Variants in RFTN1 observed in about 807,000 individuals in gnomAD.
The protein encoded by RFTN1 is raftlin, lipid raft linker 1, also known as raftlin.
A neutral mutation model predicts 46.5 loss-of-function variants in RFTN1; 26 were observed. The observed-to-expected ratio is 0.56, with a 90% CI of 0.41 to 0.78. The LOEUF (loss-of-function observed/expected upper bound fraction) is 0.78. Ranked by LOEUF, RFTN1 falls within the 30% of genes least tolerant of loss-of-function variation. The probability of loss-of-function intolerance (pLI) is 0.00; values close to 1 mark genes in which losing one functional copy is unlikely to be tolerated. For missense variants in RFTN1, 693 were observed against 718.7 expected, an observed-to-expected ratio of 0.96 and a Z score of 0.41; for synonymous variants, 261 against 284.2, an observed-to-expected ratio of 0.92 and a Z score of 0.82.
At chr3:16,501,965 G>A (rs946400243) in intron 1 of RFTN1, among the ~76,000 whole-genome samples, 3 of 152,146 alleles carry the variant, frequency 2.0e-5, no homozygotes, top group African/African-American at 4.8e-5. Flanking sequence ...AAAAGTGCCT[G>A]TGTATTTGTT....
At position 16,335,254 on chromosome 3, in the gene RFTN1, T is replaced by C. The variant is rs2070732794; in HGVS notation, c.1147-8378A>G. 6.6e-6 allele frequency among the ~76,000 whole-genome samples: 1 copy of C among 152,140 alleles called. No homozygotes were observed. The highest frequency in any genetic ancestry group is 2.4e-5 in the African/African-American group (1 of 41,424). On this transcript the variant is annotated intron_variant, in intron 7 of 9. Coordinates refer to ENST00000334133, the MANE Select transcript of RFTN1 (RefSeq NM_015150.2). This position sits in a 1 kb window ranked among gnomAD's most constrained non-coding sequence, Gnocchi z 4.7. ...TGACAGATGCAGGGTAGGTGAAAAC[T>C]CCTGGAGGGATGAGGCTGGCTGAGG...
chr3:16,445,459 T>G (rs972799711), intron 2 of RFTN1, among the ~76,000 whole-genome samples: 1 of 117,284 alleles, frequency 8.5e-6, no homozygotes, highest in East Asian at 2.9e-4. Flanking sequence ...ATTTTTTCTT[T>G]CTCTCTTTCT....
At position 16,449,140 on chromosome 3, in the gene RFTN1, A is replaced by G. The variant is rs1187393527; in HGVS notation, c.146-15103T>C. 2.0e-5 allele frequency among the ~76,000 whole-genome samples: 3 copies of G among 152,230 alleles called. No individual in the cohort carries two copies. Among genetic ancestry groups the G allele is most frequent in the Middle Eastern group, 3.2e-3 (1 of 316 alleles). On this transcript the variant is annotated intron_variant, in intron 2 of 9. Coordinates refer to ENST00000334133, the MANE Select transcript of RFTN1 (RefSeq NM_015150.2). The surrounding 1 kb of genome is among the most constrained non-coding windows in gnomAD (Gnocchi z 5.1). ...TTCATGATATCTGAAATCCCCACAAATTCATACGAAATGAGTAGGATTATT... is the reference window on the plus strand; with the variant it reads ...TTCATGATATCTGAAATCCCCACAAGTTCATACGAAATGAGTAGGATTATT...
At chr3:16,502,084 G>A (rs2076719425) in intron 1 of RFTN1, among the ~76,000 whole-genome samples, 1 of 152,126 alleles carries the variant, frequency 6.6e-6, no homozygotes, top group South Asian at 2.1e-4. Context: ...TCTTTGTTGA[G>A]CATGCATTAT....
chr3:16,462,095 C>T (rs763490174), intron 2 of RFTN1, among the ~76,000 whole-genome samples: 52 of 152,286 alleles, frequency 3.4e-4, no homozygotes, highest in Non-Finnish European at 6.0e-4. Flanking sequence ...AGCCCAAATG[C>T]GTGGGTTCAA....
Position 16,475,290 on chromosome 3 carries a change from A to G in RFTN1, c.145+18435T>C, listed in dbSNP as rs1443501003. 6.6e-6 allele frequency among the ~76,000 whole-genome samples: 1 copy of G among 152,204 alleles called. No individual in the cohort carries two copies. The highest frequency in any genetic ancestry group is 1.5e-5 in the Non-Finnish European group (1 of 68,030). On this transcript the variant is annotated intron_variant, in intron 2 of 9. Coordinates refer to ENST00000334133, the MANE Select transcript of RFTN1 (RefSeq NM_015150.2). This position sits in a 1 kb window ranked among gnomAD's most constrained non-coding sequence, Gnocchi z 4.2. Reference sequence around the variant, plus strand: ...ATTGCCCAGTTTCAAGTATTCTTTTATGGCAATACAAACAGACCAAGACAC... The same window carrying G: ...ATTGCCCAGTTTCAAGTATTCTTTTGTGGCAATACAAACAGACCAAGACAC...
intron 7 of RFTN1, among the ~76,000 whole-genome samples, chr3:16,357,126 AAAC>A (rs1445589391): frequency 4.3e-4 from 35 of 80,732 alleles, no homozygotes; most frequent in South Asian, 9.1e-4. Flanking sequence ...AAAAAAAAAA[AAAC>A]AAAAAAACAA....
In RFTN1 at chr3:16,506,908, A is replaced by T. The variant is rs557394245; in HGVS notation, c.-9+6534T>A. ...AATAGGAAAGACACTTATCTGGTAC[A>T]GGATGGTAAAGGGCATTTGGAATAT... On this transcript the variant is annotated intron_variant, in intron 1 of 9. Coordinates refer to ENST00000334133, the MANE Select transcript of RFTN1 (RefSeq NM_015150.2). The surrounding 1 kb of genome is among the most constrained non-coding windows in gnomAD (Gnocchi z 4.8). Among the ~76,000 whole-genome samples, 5 of 152,348 alleles carry T rather than the reference A, an allele frequency of 3.3e-5. No individual in the cohort carries two copies. Among genetic ancestry groups the T allele is most frequent in the African/African-American group, 1.2e-4 (5 of 41,592 alleles).
rs1385633246 is a variant in RFTN1 at position 16,328,804 on chromosome 3, TCC to T, written c.1147-1930_1147-1929del. 4.6e-5 allele frequency among the ~76,000 whole-genome samples: 7 copies of T among 152,264 alleles called. No individual in the cohort carries two copies. In the South Asian group the frequency reaches 8.3e-4, roughly 18 times the overall value. On this transcript the variant is annotated intron_variant, in intron 7 of 9. Coordinates refer to ENST00000334133, the MANE Select transcript of RFTN1 (RefSeq NM_015150.2). The stretch of plus-strand genomic sequence containing the variant: ...ACCATCGCCTAGGTAATCATGTAGG[TCC>T]CTCCTGGCAAAAGAAAAGTCTGTAA...
chr3:16,486,250 C>T (rs1373757684), intron 2 of RFTN1, among the ~76,000 whole-genome samples: 1 of 152,076 alleles, frequency 6.6e-6, no homozygotes, highest in Non-Finnish European at 1.5e-5. Flanking sequence ...ATATGTTTCC[C>T]CTCCCCCAGC....
intron 4 of RFTN1, among the ~76,000 whole-genome samples, chr3:16,405,499 G>A (rs2074834797): frequency 6.6e-6 from 1 of 152,132 alleles, no homozygotes; most frequent in Non-Finnish European, 1.5e-5. Flanking sequence ...AAAAGGAATG[G>A]AGTCATCATC....
intron 2 of RFTN1, among the ~76,000 whole-genome samples, chr3:16,438,585 C>CAAAAAAAAAA (rs61019061): frequency 5.3e-4 from 16 of 30,450 alleles, no homozygotes; most frequent in Non-Finnish European, 7.9e-4. Context: ...AACTCTGTCT[C>CAAAAAAAAAA]AAAAAAAAAA....
intron 1 of RFTN1, among the ~76,000 whole-genome samples, chr3:16,508,686 T>TCA (rs1302882324): frequency 1.3e-4 from 14 of 109,628 alleles, no homozygotes; most frequent in African/African-American, 5.2e-4. Flanking sequence ...GAAGGAAAGA[T>TCA]CACACGCACG....
Position 16,383,837 on chromosome 3 carries a change from T to C in RFTN1, c.442-5735A>G, listed in dbSNP as rs1449719119. Among the ~76,000 whole-genome samples the C allele has an allele frequency of 6.6e-6, 1 of 152,166 alleles. No individual in the cohort carries two copies. ...TGGAGTGTCCACAGCCTGTAGTAGATAGCATGGGTAAAGAGTCAGAGACAC... is the reference window on the plus strand; with the variant it reads ...TGGAGTGTCCACAGCCTGTAGTAGACAGCATGGGTAAAGAGTCAGAGACAC... On this transcript the variant is annotated intron_variant, in intron 4 of 9. Transcript: ENST00000334133. The surrounding 1 kb of genome is among the most constrained non-coding windows in gnomAD (Gnocchi z 4.0).
chr3:16,417,022 T>C (rs894930984), intron 3 of RFTN1, among the ~76,000 whole-genome samples: 1 of 150,788 alleles, frequency 6.6e-6, no homozygotes, highest in African/African-American at 2.4e-5. Context: ...TTTTTTTTTT[T>C]TTTTGAGACA....
intron 4 of RFTN1, among the ~76,000 whole-genome samples, chr3:16,405,571 C>T (rs924671325): frequency 2.0e-5 from 3 of 152,128 alleles, no homozygotes; most frequent in African/African-American, 4.8e-5. Flanking sequence ...TAAATTACGG[C>T]GTCTTCAGCT....
intron 6 of RFTN1, among the ~76,000 whole-genome samples, chr3:16,362,569 G>C (rs925214270): frequency 3.3e-5 from 5 of 152,080 alleles, no homozygotes; most frequent in East Asian, 3.9e-4. Context: ...CCCAAATCCT[G>C]ACCTGGGCAT....
intron 5 of RFTN1, among the ~76,000 whole-genome samples, chr3:16,371,852 G>T (rs1195811167): frequency 6.6e-6 from 1 of 152,198 alleles, no homozygotes; most frequent in Non-Finnish European, 1.5e-5. Context: ...AGGTCTTGGT[G>T]TATAGAACTG....
Position 16,472,266 on chromosome 3 carries a change from G to C in RFTN1, c.145+21459C>G, listed in dbSNP as rs148307639. ...AAACAAACAGGTGTTGGGATGGAAA[G>C]CCACTGAGAAAGGCAAAGTGTTCTT... On this transcript the variant is annotated intron_variant, in intron 2 of 9. Transcript: ENST00000334133. 3.9e-5 allele frequency: 6 copies of C among 152,048 alleles called. No homozygotes were observed. In the East Asian group the frequency reaches 1.2e-3, roughly 29 times the overall value. The allele number at this position is 152,048 out of a possible 1,614,324, so 9.4% of individuals were successfully genotyped here. A position where few individuals can be genotyped will look rare whatever the true frequency, so the allele number is the denominator to read the frequency against.
Sources: allele counts gnomAD v4.1 joint callset (sites outside exome capture counted in the v4.1 genomes callset), GRCh38; gene constraint gnomAD v4.1.1; non-coding constraint Gnocchi (gnomAD v3.1); transcripts MANE v1.5; gene names NCBI Gene and HGNC (gene_info 2026-07-23, HGNC 2026-07-21).